ABTB3: variants seen among roughly 807,000 people sequenced by gnomAD.
ABTB3 encodes the protein ankyrin repeat- and BTB/POZ domain-containing protein 3.
At chr12:107,472,708 C>G in the ABTB3 span, among the ~76,000 whole-genome samples, 32 of 152,286 alleles carry the variant, frequency 2.1e-4, no homozygotes, top group African/African-American at 7.7e-4. Context: ...TGGGAACATC[C>G]GCCGTTCGGT....
At chr12:107,428,500 C>T in the ABTB3 span, among the ~76,000 whole-genome samples, 5 of 152,182 alleles carry the variant, frequency 3.3e-5, no homozygotes, top group African/African-American at 1.2e-4. Context: ...GAATAAACAT[C>T]CCAGCATCCG....
At chr12:107,383,855 A>G in the ABTB3 span, among the ~76,000 whole-genome samples, 1 of 152,224 alleles carries the variant, frequency 6.6e-6, no homozygotes, top group African/African-American at 2.4e-5. Context: ...AATTGCAGAC[A>G]GTTCAGATAA....
the ABTB3 span, among the ~76,000 whole-genome samples, chr12:107,444,341 G>A: frequency 6.6e-6 from 1 of 152,212 alleles, no homozygotes; most frequent in African/African-American, 2.4e-5. Context: ...ACAAGCCACA[G>A]TCCATTGACC....
At chr12:107,640,336 A>C in the ABTB3 span, 1 of 1,591,326 alleles carries the variant, frequency 6.3e-7, no homozygotes, top group Admixed American at 1.7e-5. Flanking sequence ...ACAATAAAGA[A>C]ATGTCTGATG....
chr12:107,608,054 G>A, the ABTB3 span, among the ~76,000 whole-genome samples: 2 of 152,146 alleles, frequency 1.3e-5, no homozygotes, highest in South Asian at 4.1e-4. Flanking sequence ...TCCCGCCCTC[G>A]GAGTCAGCAA....
the ABTB3 span, chr12:107,520,494 G>C: frequency 2.5e-6 from 4 of 1,614,058 alleles, no homozygotes; most frequent in Non-Finnish European, 3.4e-6. Context: ...CAGGGGTGCT[G>C]TGCCTACCAG....
the ABTB3 span, among the ~76,000 whole-genome samples, chr12:107,459,875 G>A: frequency 1.7e-4 from 26 of 152,216 alleles, no homozygotes; most frequent in Admixed American, 1.7e-3. Flanking sequence ...CAGCCCGACT[G>A]AGCATGGCCC....
chr12:107,630,942 T>A, the ABTB3 span, among the ~76,000 whole-genome samples: 2 of 152,100 alleles, frequency 1.3e-5, no homozygotes, highest in Admixed American at 1.3e-4. Flanking sequence ...TTCCTTAGGG[T>A]TTTGTTTTTG....
chr12:107,581,234 G>A, the ABTB3 span: 1 of 1,530,232 alleles, frequency 6.5e-7, no homozygotes, highest in Non-Finnish European at 8.7e-7. Flanking sequence ...CTTCTCCATG[G>A]ACAGCGACGA....
chr12:107,517,436 T>C, the ABTB3 span, among the ~76,000 whole-genome samples: 1 of 152,196 alleles, frequency 6.6e-6, no homozygotes, highest in African/African-American at 2.4e-5. Flanking sequence ...GGGATGGCAT[T>C]GAATCTATAA....
chr12:107,507,505 AAT>A, the ABTB3 span, among the ~76,000 whole-genome samples: 6 of 152,076 alleles, frequency 3.9e-5, no homozygotes, highest in Admixed American at 3.9e-4. Context: ...ACCAGCAATG[AAT>A]CCTGACTTCA....
At chr12:107,564,702 G>A in the ABTB3 span, among the ~76,000 whole-genome samples, 2 of 152,216 alleles carry the variant, frequency 1.3e-5, no homozygotes, top group Admixed American at 1.3e-4. Flanking sequence ...ATTAAAGAAC[G>A]GGATGGAACC....
chr12:107,620,998 A>C, the ABTB3 span, among the ~76,000 whole-genome samples: 1 of 152,096 alleles, frequency 6.6e-6, no homozygotes, highest in Non-Finnish European at 1.5e-5. Context: ...CTCTGAACCA[A>C]AGGGCAGTGT....
the ABTB3 span, among the ~76,000 whole-genome samples, chr12:107,367,949 G>C: frequency 5.9e-5 from 9 of 152,258 alleles, no homozygotes; most frequent in African/African-American, 2.2e-4. Context: ...GTGTGTTATT[G>C]ATTTATAGAA....
the ABTB3 span, chr12:107,581,355 C>G: frequency 7.8e-7 from 1 of 1,273,966 alleles, no homozygotes; most frequent in Non-Finnish European, 9.9e-7. Flanking sequence ...GCTCCGGCCT[C>G]GCAGCCTCCA....
chr12:107,399,184 C>T, the ABTB3 span, among the ~76,000 whole-genome samples: 1 of 152,156 alleles, frequency 6.6e-6, no homozygotes, highest in Non-Finnish European at 1.5e-5. Flanking sequence ...TTGAAAACTG[C>T]TTTTCTTTAA....
the ABTB3 span, among the ~76,000 whole-genome samples, chr12:107,477,251 A>T: frequency 3.9e-5 from 6 of 152,324 alleles, no homozygotes; most frequent in East Asian, 9.6e-4. Flanking sequence ...TGCCTGTAGC[A>T]TGTGTCCATG....
At chr12:107,510,111 T>G in the ABTB3 span, among the ~76,000 whole-genome samples, 1 of 152,158 alleles carries the variant, frequency 6.6e-6, no homozygotes, top group Non-Finnish European at 1.5e-5. Context: ...AAGGTGGGAA[T>G]CTGAACCCGG....
the ABTB3 span, among the ~76,000 whole-genome samples, chr12:107,405,058 G>T: frequency 6.6e-6 from 1 of 152,150 alleles, no homozygotes; most frequent in Non-Finnish European, 1.5e-5. Context: ...CTGTTTTTCT[G>T]CAACATTCTG....
Sources: allele counts gnomAD v4.1 joint callset (sites outside exome capture counted in the v4.1 genomes callset), GRCh38; gene constraint gnomAD v4.1.1; transcripts MANE v1.5; gene names NCBI Gene and HGNC (gene_info 2026-07-23, HGNC 2026-07-21).